Variants in ADAMTSL1 observed in about 807,000 individuals in gnomAD.
ADAMTSL1 encodes ADAMTS-like protein 1.
ADAMTSL1 carries 126 observed loss-of-function variants against 201.8 expected under a neutral mutation model. The observed-to-expected ratio is 0.62, with a 90% confidence interval of 0.54 to 0.72. ADAMTSL1 has a LOEUF of 0.72. ADAMTSL1 is among the 30% of genes least tolerant of loss of function. The probability of loss-of-function intolerance (pLI) is 0.00; values close to 1 mark genes in which losing one functional copy is unlikely to be tolerated. For missense variants in ADAMTSL1, 2,679 were observed against 2,277.8 expected (o/e 1.18, Z -3.59); for synonymous variants, 1,121 against 903.4 (o/e 1.24, Z -4.32).
At chr9:18,398,975 T>C (rs989482743) in intron 2 of ADAMTSL1, among the ~76,000 whole-genome samples, 1 of 152,020 alleles carries the variant, frequency 6.6e-6, no homozygotes, top group African/African-American at 2.4e-5. Flanking sequence ...GGCTGGAATC[T>C]TAAGATAGTA....
chr9:18,413,093 A>G (rs1269732449), intron 2 of ADAMTSL1, among the ~76,000 whole-genome samples: 1 of 151,576 alleles, frequency 6.6e-6, no homozygotes, highest in African/African-American at 2.4e-5. Flanking sequence ...TAAGAGAAGA[A>G]TTACCTGTTT....
chr9:18,575,217 A>T (rs1822631675), intron 4 of ADAMTSL1, among the ~76,000 whole-genome samples: 1 of 152,174 alleles, frequency 6.6e-6, no homozygotes, highest in Non-Finnish European at 1.5e-5. Context: ...AAAGGCAAAA[A>T]CTGTAGTGTA....
At chr9:18,424,831 C>T (rs547114858) in intron 2 of ADAMTSL1, among the ~76,000 whole-genome samples, 1 of 152,178 alleles carries the variant, frequency 6.6e-6, no homozygotes, top group African/African-American at 2.4e-5. Flanking sequence ...CCTTTCTGAC[C>T]CACTAGGCTC....
intron 1 of ADAMTSL1, among the ~76,000 whole-genome samples, chr9:17,967,682 C>T (rs187975814): frequency 7.4e-4 from 112 of 152,156 alleles, no homozygotes; most frequent in African/African-American, 2.5e-3. Flanking sequence ...TATATCTCAG[C>T]TTTTTCTTCC....
chr9:17,999,934 T>C lies in ADAMTSL1; in HGVS notation c.87+93012T>C, dbSNP rs1277125623. Reference sequence around the variant, plus strand: ...CCATGTCCCTACAAAGGACATGAACTCATCATTTTTTATGGCTGCATAGTA... The same window carrying C: ...CCATGTCCCTACAAAGGACATGAACCCATCATTTTTTATGGCTGCATAGTA... On this transcript the variant is annotated intron_variant, in intron 1 of 29. Transcript: ENST00000680146. Among the ~76,000 whole-genome samples, 12 of 148,752 alleles carry C rather than the reference T, an allele frequency of 8.1e-5. 1 individual carries two copies. Among genetic ancestry groups the C allele is most frequent in the Non-Finnish European group, 1.5e-5 (1 of 67,618 alleles).
At chr9:18,824,024 GGAAGGAAGGAAC>G (rs942218804) in intron 21 of ADAMTSL1, among the ~76,000 whole-genome samples, 1 of 150,360 alleles carries the variant, frequency 6.7e-6, no homozygotes, top group African/African-American at 2.4e-5. Flanking sequence ...AAGGAAAGAA[GGAAGGAAGGAAC>G]GAAGGAAGGA....
At chr9:17,949,409 A>G (rs1827641422) in intron 1 of ADAMTSL1, among the ~76,000 whole-genome samples, 2 of 152,164 alleles carry the variant, frequency 1.3e-5, no homozygotes, top group Admixed American at 1.3e-4. Flanking sequence ...AAATTAGGTT[A>G]TCTCCACTAT....
chr9:18,088,834 CA>C (rs938904103), intron 1 of ADAMTSL1, among the ~76,000 whole-genome samples: 2 of 152,192 alleles, frequency 1.3e-5, no homozygotes, highest in East Asian at 1.9e-4. Flanking sequence ...GGTGGTTCCT[CA>C]AAAAATTACA....
intron 1 of ADAMTSL1, among the ~76,000 whole-genome samples, chr9:17,926,355 A>C (rs895484451): frequency 8.5e-5 from 13 of 152,300 alleles, no homozygotes; most frequent in Admixed American, 3.9e-4. Context: ...AATAACCCCC[A>C]AAACACGATG....
At chr9:18,375,640 G>A (rs566497602) in intron 2 of ADAMTSL1, among the ~76,000 whole-genome samples, 55 of 152,276 alleles carry the variant, frequency 3.6e-4, no homozygotes, top group South Asian at 4.1e-4. Context: ...GGACCTTCAC[G>A]GTGAGTGTTA....
At chr9:18,314,974 T>A in intron 2 of ADAMTSL1, among the ~76,000 whole-genome samples, 1 of 150,940 alleles carries the variant, frequency 6.6e-6, no homozygotes, top group African/African-American at 2.4e-5. Flanking sequence ...TTTTTTGTAT[T>A]TTTAGTAGAG....
At chr9:18,774,328 C>T (rs1191189041) in intron 17 of ADAMTSL1, among the ~76,000 whole-genome samples, 2 of 152,136 alleles carry the variant, frequency 1.3e-5, no homozygotes, top group East Asian at 3.9e-4. Flanking sequence ...GGTCTCCAAA[C>T]TAACCCTCAA....
At chr9:18,347,535 T>C (rs1447718300) in intron 2 of ADAMTSL1, among the ~76,000 whole-genome samples, 5 of 152,208 alleles carry the variant, frequency 3.3e-5, no homozygotes, top group Non-Finnish European at 7.3e-5. Flanking sequence ...GGGAGGGATC[T>C]ATGTGACACC....
At chr9:18,375,597 T>A (rs1010365589) in intron 2 of ADAMTSL1, among the ~76,000 whole-genome samples, 1 of 152,176 alleles carries the variant, frequency 6.6e-6, no homozygotes, top group Non-Finnish European at 1.5e-5. Flanking sequence ...TCCGGTGAGT[T>A]TGTGGTCTCG....
chr9:18,334,446 T>A (rs1048021500), intron 2 of ADAMTSL1, among the ~76,000 whole-genome samples: 1 of 152,198 alleles, frequency 6.6e-6, no homozygotes, highest in African/African-American at 2.4e-5. Flanking sequence ...TACCAGAGAA[T>A]TATGCCTATC....
At chr9:18,085,186 G>A (rs185830226) in intron 1 of ADAMTSL1, among the ~76,000 whole-genome samples, 4 of 151,734 alleles carry the variant, frequency 2.6e-5, no homozygotes, top group African/African-American at 7.3e-5. Flanking sequence ...CTCATAGACT[G>A]TGTTTTTCCT....
chr9:18,079,481 G>C (rs1823380510), intron 1 of ADAMTSL1, among the ~76,000 whole-genome samples: 1 of 152,058 alleles, frequency 6.6e-6, no homozygotes, highest in Admixed American at 6.6e-5. Flanking sequence ...GACAGATTGA[G>C]ACCATCCTGG....
At chr9:17,925,920 G>T (rs1442200959) in intron 1 of ADAMTSL1, among the ~76,000 whole-genome samples, 2 of 151,464 alleles carry the variant, frequency 1.3e-5, no homozygotes, top group African/African-American at 2.4e-5. Context: ...TGGAGAATAC[G>T]TGCTGCTCAA....
At chr9:18,325,197 A>G (rs1834783294) in intron 2 of ADAMTSL1, among the ~76,000 whole-genome samples, 1 of 152,254 alleles carries the variant, frequency 6.6e-6, no homozygotes, top group African/African-American at 2.4e-5. Flanking sequence ...TTATAAAGTC[A>G]AACATACACC....
Sources: allele counts gnomAD v4.1 joint callset (sites outside exome capture counted in the v4.1 genomes callset), GRCh38; gene constraint gnomAD v4.1.1; transcripts MANE v1.5; gene names NCBI Gene and HGNC (gene_info 2026-07-23, HGNC 2026-07-21).